The following PCDHGB1 variants were observed in gnomAD, a reference collection of about 807,000 sequenced individuals.
The protein encoded by PCDHGB1 is protocadherin gamma subfamily B, 1.
In PCDHGB1, 34 loss-of-function variants were observed where a neutral mutation model predicts 56.6. That is an observed-to-expected ratio of 0.60 (90% confidence interval 0.46 to 0.80). The LOEUF (loss-of-function observed/expected upper bound fraction) is 0.80. Among genes scored for constraint, PCDHGB1 ranks in the 30% least tolerant of loss-of-function variants. The probability of loss-of-function intolerance (pLI) is 0.00; values close to 1 mark genes in which losing one functional copy is unlikely to be tolerated. For missense variants in PCDHGB1, 1,278 were observed against 1,204.6 expected, an observed-to-expected ratio of 1.06 and a Z score of -0.90; for synonymous variants, 561 against 505.9, an observed-to-expected ratio of 1.11 and a Z score of -1.46.
intron 1 of PCDHGB1, chr5:141,356,341 C>T (rs1022494499): frequency 4.5e-6 from 7 of 1,554,834 alleles, no homozygotes; most frequent in Non-Finnish European, 6.1e-6. Context: ...AGGAAATGGC[C>T]TAGTCACATG....
chr5:141,400,233 C>T lies in PCDHGB1; in HGVS notation c.2409+47564C>T, dbSNP rs373858401. ...TGATCTCAGTGCTCTTCCTCCTGGCCGTGATTCTGGCCGTTGCCTTGCGCC... is the reference window on the plus strand; with the variant it reads ...TGATCTCAGTGCTCTTCCTCCTGGCTGTGATTCTGGCCGTTGCCTTGCGCC... On this transcript the variant is annotated intron_variant, in intron 1 of 3. Coordinates refer to ENST00000523390, the MANE Select transcript of PCDHGB1 (RefSeq NM_018922.3). 100 of 1,613,988 alleles carry T rather than the reference C, an allele frequency of 6.2e-5. 1 individual carries two copies. The African/African-American group carries it at 1.1e-3, about 18-fold the overall frequency.
At chr5:141,394,203 A>G (rs1380354099) in intron 1 of PCDHGB1, 1 of 1,613,814 alleles carries the variant, frequency 6.2e-7, no homozygotes, top group Non-Finnish European at 8.5e-7. Context: ...TATCCTAGAG[A>G]ACAACCTGAG....
intron 1 of PCDHGB1, chr5:141,374,885 G>A (rs753304716): frequency 9.3e-6 from 15 of 1,613,516 alleles, no homozygotes; most frequent in South Asian, 1.1e-5. Flanking sequence ...GACTGCCACC[G>A]ACCAGGATGA....
intron 1 of PCDHGB1, among the ~76,000 whole-genome samples, chr5:141,484,009 T>A (rs1157069536): frequency 7.1e-5 from 1 of 14,094 alleles, no homozygotes; most frequent in African/African-American, 2.8e-4. Flanking sequence ...TGGATGAGGG[T>A]GGGGGTGGGG....
At chr5:141,410,364 C>A in intron 1 of PCDHGB1, 1 of 1,614,064 alleles carries the variant, frequency 6.2e-7, no homozygotes, top group Non-Finnish European at 8.5e-7. Flanking sequence ...TCTCTCAGCC[C>A]TGCTACTTGG....
intron 1 of PCDHGB1, among the ~76,000 whole-genome samples, chr5:141,354,833 G>T (rs1281888392): frequency 1.3e-5 from 2 of 152,148 alleles, no homozygotes. Flanking sequence ...GGAAGACTTG[G>T]ATCATTCTTG....
At position 141,425,978 on chromosome 5, in the gene PCDHGB1, A is replaced by T. The variant is rs182438141; in HGVS notation, c.2410-68829A>T. Among the ~76,000 whole-genome samples the T allele has an allele frequency of 3.9e-3, 592 of 152,340 alleles. 5 individuals carry two copies. Among genetic ancestry groups the T allele is most frequent in the African/African-American group, 0.014 (563 of 41,588 alleles). ...AGTCCAACACATCAGTCTAATTCTG[A>T]ATCCCATTGAATTAGCAAAGGCTTC... On this transcript the variant is annotated intron_variant, in intron 1 of 3. Coordinates refer to ENST00000523390, the MANE Select transcript of PCDHGB1 (RefSeq NM_018922.3).
At chr5:141,356,684 C>T (rs775190688) in intron 1 of PCDHGB1, 1 of 1,613,992 alleles carries the variant, frequency 6.2e-7, no homozygotes, top group Non-Finnish European at 8.5e-7. Flanking sequence ...GCCGAAGACA[C>T]CTTCCAGGGT....
intron 1 of PCDHGB1, chr5:141,392,574 C>G (rs2092557177): frequency 2.2e-6 from 1 of 454,134 alleles, no homozygotes; most frequent in African/African-American, 2.0e-5. Flanking sequence ...CTATTTAGGA[C>G]TGTAAGCGCC....
intron 1 of PCDHGB1, chr5:141,364,424 C>G: frequency 1.9e-6 from 3 of 1,613,572 alleles, no homozygotes; most frequent in Non-Finnish European, 1.7e-6. Flanking sequence ...CGGGCAGATC[C>G]GCTACTCGAT....
chr5:141,409,143 G>A (rs778597273), intron 1 of PCDHGB1: 1 of 1,613,868 alleles, frequency 6.2e-7, no homozygotes, highest in African/African-American at 1.3e-5. Flanking sequence ...GATGTAGAAA[G>A]GTACACCATG....
At chr5:141,382,188 C>A (rs1009846367) in intron 1 of PCDHGB1, among the ~76,000 whole-genome samples, 4 of 152,052 alleles carry the variant, frequency 2.6e-5, no homozygotes, top group Non-Finnish European at 4.4e-5. Context: ...AGGTTCTATA[C>A]AATCAAAAAT....
chr5:141,383,660 A>G (rs748941284), intron 1 of PCDHGB1: 1 of 1,614,030 alleles, frequency 6.2e-7, no homozygotes, highest in South Asian at 1.1e-5. Flanking sequence ...GTCCCCGAGA[A>G]TGTGCCAGTG....
intron 1 of PCDHGB1, chr5:141,361,654 G>T (rs779307225): frequency 1.2e-6 from 2 of 1,613,664 alleles, no homozygotes; most frequent in African/African-American, 1.3e-5. Context: ...CTACGTGTCC[G>T]TGAGCGCGCA....
intron 1 of PCDHGB1, chr5:141,478,429 G>C: frequency 6.2e-7 from 1 of 1,613,674 alleles, no homozygotes; most frequent in Non-Finnish European, 8.5e-7. Flanking sequence ...GCAGCGACCC[G>C]CTGCTGAAGA....
intron 1 of PCDHGB1, among the ~76,000 whole-genome samples, chr5:141,465,116 C>A (rs2099097321): frequency 6.6e-6 from 1 of 150,972 alleles, no homozygotes; most frequent in Non-Finnish European, 1.5e-5. Context: ...AGTGTTTTAG[C>A]CTAAATTTGT....
chr5:141,384,419 T>G, intron 1 of PCDHGB1: 1 of 1,613,944 alleles, frequency 6.2e-7, no homozygotes, highest in Non-Finnish European at 8.5e-7. Context: ...TATGTCTCCA[T>G]AAACTCTGAC....
chr5:141,405,457 TTA>T, intron 1 of PCDHGB1: 1 of 1,256,670 alleles, frequency 8.0e-7, no homozygotes, highest in Non-Finnish European at 1.1e-6. Context: ...TCTTACTCTG[TTA>T]CCCAGGCTGG....
rs754384717 is a variant in PCDHGB1 at position 141,385,373 on chromosome 5, T to C, written c.2409+32704T>C. The C allele has an allele frequency of 3.9e-6, 6 of 1,529,356 alleles. No individual in the cohort carries two copies. The East Asian group carries it at 1.4e-4, about 35-fold the overall frequency. 94.7% of individuals were successfully genotyped at this position (1,529,356 alleles called of 1,614,324 possible). ...CCATGAGGAATTTATTTGCATGATA[T>C]TTCTCTATTATTTTGCAAAACAAAT... On this transcript the variant is annotated intron_variant, in intron 1 of 3. Coordinates refer to ENST00000523390, the MANE Select transcript of PCDHGB1 (RefSeq NM_018922.3).
Sources: gnomAD v4.1 joint callset for allele counts (sites outside exome capture counted in the v4.1 genomes callset) on GRCh38, gnomAD v4.1.1 for gene constraint, MANE v1.5 for transcripts, NCBI Gene and HGNC (gene_info 2026-07-23, HGNC 2026-07-21) for gene names.